Variants in FSTL5 observed in about 807,000 individuals in gnomAD.
FSTL5 encodes the protein follistatin-related protein 5.
In FSTL5, 62 loss-of-function variants were observed where a neutral mutation model predicts 89.1. The observed-to-expected ratio is 0.70, with a 90% CI of 0.57 to 0.86. The LOEUF (loss-of-function observed/expected upper bound fraction) is 0.86. Among genes scored for constraint, FSTL5 ranks in the 40% least tolerant of loss-of-function variants. The pLI, the probability that FSTL5 is intolerant of heterozygous loss-of-function variation, is 0.00. For synonymous variants in FSTL5, 383 were observed against 346.2 expected, an observed-to-expected ratio of 1.11 and a Z score of -1.18; for missense variants, 1,057 against 1,001.6, an observed-to-expected ratio of 1.06 and a Z score of -0.75.
chr4:161,440,921 G>A (rs71610962), intron 15 of FSTL5, among the ~76,000 whole-genome samples: 16,227 of 152,056 alleles, frequency 0.11, 1,427 homozygotes, highest in African/African-American at 0.24. Context: ...TGATATTCCT[G>A]TTAAATTGCC....
At chr4:161,503,123 A>T (rs952337630) in intron 11 of FSTL5, among the ~76,000 whole-genome samples, 6 of 151,758 alleles carry the variant, frequency 4.0e-5, no homozygotes, top group Non-Finnish European at 5.9e-5. Flanking sequence ...TAATTTCCCC[A>T]TATCAAATTT....
chr4:161,756,053 A>G (rs970144791), intron 6 of FSTL5, among the ~76,000 whole-genome samples: 1 of 152,060 alleles, frequency 6.6e-6, no homozygotes, highest in Non-Finnish European at 1.5e-5. Flanking sequence ...CTGAGGGATC[A>G]TTATATAGCT....
At chr4:161,754,045 T>TAAAAAAAAAA (rs10649973) in intron 6 of FSTL5, among the ~76,000 whole-genome samples, 120 of 84,822 alleles carry the variant, frequency 1.4e-3, no homozygotes, top group Non-Finnish European at 1.8e-3. Context: ...CCGTCTCAAT[T>TAAAAAAAAAA]AAAAAAAAAA....
chr4:161,868,809 C>A (rs1187673876), intron 4 of FSTL5, among the ~76,000 whole-genome samples: 3 of 152,174 alleles, frequency 2.0e-5, no homozygotes, highest in East Asian at 1.9e-4. Flanking sequence ...CATTCTTATT[C>A]CTCCAGTCTC....
At chr4:161,779,821 A>T (rs187924666) in intron 4 of FSTL5, among the ~76,000 whole-genome samples, 1 of 63,364 alleles carries the variant, frequency 1.6e-5, no homozygotes, top group Admixed American at 2.0e-4. Context: ...GTATATATAT[A>T]TATATATATA....
At chr4:161,981,266 A>G (rs370921) in intron 3 of FSTL5, among the ~76,000 whole-genome samples, 20,496 of 152,144 alleles carry the variant, frequency 0.13, 1,956 homozygotes, top group African/African-American at 0.28. Flanking sequence ...GAAATTCACT[A>G]GCATGCACAG....
intron 3 of FSTL5, among the ~76,000 whole-genome samples, chr4:162,007,019 G>C (rs1279359652): frequency 6.6e-6 from 1 of 151,834 alleles, no homozygotes; most frequent in Non-Finnish European, 1.5e-5. Flanking sequence ...AATCTTATTA[G>C]ATGGTTGGGC....
At chr4:161,429,156 T>TTGTG (rs887609745) in intron 15 of FSTL5, among the ~76,000 whole-genome samples, 1 of 151,524 alleles carries the variant, frequency 6.6e-6, no homozygotes, top group African/African-American at 2.4e-5. Flanking sequence ...AAGGGCTTTT[T>TTGTG]TGTGTGTGTG....
At chr4:161,838,825 T>C (rs1235755871) in intron 4 of FSTL5, among the ~76,000 whole-genome samples, 2 of 152,038 alleles carry the variant, frequency 1.3e-5, no homozygotes, top group African/African-American at 2.4e-5. Context: ...AAAGAAACCA[T>C]GTTGAGCTGT....
In FSTL5 at chr4:162,070,054, T is replaced by G. The variant is rs575061217; in HGVS notation, c.127-36396A>C. 1.5e-4 allele frequency among the ~76,000 whole-genome samples: 23 copies of G among 152,010 alleles called. No individual in the cohort carries two copies. The South Asian group carries it at 4.8e-3, about 31-fold the overall frequency. On this transcript the variant is annotated intron_variant, in intron 2 of 15. Transcript: ENST00000306100. ...TTACCAGCATTTCTTATTTTTGGTC[T>G]TTTTTATAATAGCCATTCTGTCTTG... is the stretch of plus-strand genomic sequence containing the variant.
intron 2 of FSTL5, among the ~76,000 whole-genome samples, chr4:162,034,925 C>T (rs184296094): frequency 7.4e-4 from 113 of 152,236 alleles, no homozygotes; most frequent in Non-Finnish European, 1.4e-3. Context: ...ACTCACCCAA[C>T]CTCTGTGTTT....
intron 3 of FSTL5, among the ~76,000 whole-genome samples, chr4:161,927,254 A>C (rs1487387985): frequency 6.6e-6 from 1 of 151,754 alleles, no homozygotes; most frequent in African/African-American, 2.4e-5. Context: ...AATCATCTGC[A>C]AGACTTAAAA....
intron 4 of FSTL5, among the ~76,000 whole-genome samples, chr4:161,882,717 T>C (rs1340069244): frequency 1.3e-5 from 2 of 152,086 alleles, no homozygotes; most frequent in African/African-American, 4.8e-5. Flanking sequence ...TTAAAACATA[T>C]TTTATCTGCA....
intron 3 of FSTL5, among the ~76,000 whole-genome samples, chr4:161,923,722 A>G (rs1220710911): frequency 6.6e-6 from 1 of 151,732 alleles, no homozygotes; most frequent in Admixed American, 6.6e-5. Flanking sequence ...GCTCTCCTAT[A>G]ACATGTCATA....
intron 3 of FSTL5, among the ~76,000 whole-genome samples, chr4:161,987,356 T>C (rs1735991213): frequency 6.6e-6 from 1 of 151,340 alleles, no homozygotes; most frequent in Non-Finnish European, 1.5e-5. Flanking sequence ...AAATAGTTAA[T>C]AAAGAAGTGA....
At chr4:162,160,735 G>T (rs1337503800) in intron 1 of FSTL5, among the ~76,000 whole-genome samples, 1 of 150,388 alleles carries the variant, frequency 6.6e-6, no homozygotes, top group South Asian at 2.1e-4. Context: ...ATTTTAAAAG[G>T]TATTTTTATT....
chr4:161,824,242 A>G lies in FSTL5; in HGVS notation c.410-48168T>C, dbSNP rs1730596428. Among the ~76,000 whole-genome samples the G allele has an allele frequency of 1.3e-5, 2 of 152,114 alleles. 1 individual carries two copies. Among genetic ancestry groups the G allele is most frequent in the South Asian group, 4.1e-4 (2 of 4,822 alleles). On this transcript the variant is annotated intron_variant, in intron 4 of 15. Coordinates refer to ENST00000306100, the MANE Select transcript of FSTL5 (RefSeq NM_020116.5). ...TTCTTCTACATGTAGCTTGCCAATTATCCCAGCACCGTTTGTTGAATAGGG... is the reference window on the plus strand; with the variant it reads ...TTCTTCTACATGTAGCTTGCCAATTGTCCCAGCACCGTTTGTTGAATAGGG...
chr4:161,413,843 G>T (rs565447596), intron 15 of FSTL5, among the ~76,000 whole-genome samples: 3 of 152,122 alleles, frequency 2.0e-5, no homozygotes, highest in Non-Finnish European at 4.4e-5. Context: ...AATACCTCAT[G>T]TTCTCACCTG....
At chr4:162,111,464 A>AT (rs1731440782) in intron 1 of FSTL5, 52 bp from the exon 2 acceptor site, 1 of 1,340,830 alleles carries the variant, frequency 7.5e-7, no homozygotes, top group African/African-American at 1.5e-5. Context: ...ATATATTAAA[A>AT]AACATGTATC....
Sources: gnomAD v4.1 joint callset for allele counts (sites outside exome capture counted in the v4.1 genomes callset) on GRCh38, gnomAD v4.1.1 for gene constraint, MANE v1.5 for transcripts, NCBI Gene and HGNC (gene_info 2026-07-23, HGNC 2026-07-21) for gene names.